The following CRYBG3 variants were observed in gnomAD, a reference collection of about 807,000 sequenced individuals.
CRYBG3 encodes very large A-kinase anchor protein.
CRYBG3 carries 127 observed loss-of-function variants against 244.2 expected under a neutral mutation model. The ratio of observed to expected loss-of-function variants is 0.52; its 90% confidence interval spans 0.45 to 0.60. CRYBG3 has a LOEUF of 0.60. CRYBG3 is among the 20% of genes least tolerant of loss of function. CRYBG3 has a pLI of 0.00. For synonymous variants in CRYBG3, 1,132 were observed against 1,195.8 expected, an observed-to-expected ratio of 0.95 and a Z score of 1.10; for missense variants, 3,325 against 3,442.5, an observed-to-expected ratio of 0.97 and a Z score of 0.85.
chr3:97,868,011 C>T (rs1283125577), intron 3 of CRYBG3, among the ~76,000 whole-genome samples: 20 of 152,124 alleles, frequency 1.3e-4, no homozygotes, highest in African/African-American at 4.1e-4. Flanking sequence ...TTGGGCACGG[C>T]GGTGGCTCAC....
At chr3:97,834,545 T>A (rs2038703569) in intron 1 of CRYBG3, among the ~76,000 whole-genome samples, 1 of 152,166 alleles carries the variant, frequency 6.6e-6, no homozygotes, top group Non-Finnish European at 1.5e-5. Flanking sequence ...TTTGATGTTT[T>A]AATAACTGGG....
chr3:97,901,733 C>G (rs2039709046), intron 15 of CRYBG3, among the ~76,000 whole-genome samples: 1 of 152,170 alleles, frequency 6.6e-6, no homozygotes, highest in African/African-American at 2.4e-5. Flanking sequence ...TTTTAAATCT[C>G]TGTTTCTCCT....
intron 17 of CRYBG3, among the ~76,000 whole-genome samples, chr3:97,922,466 T>C (rs929920240): frequency 6.6e-6 from 1 of 152,050 alleles, no homozygotes; most frequent in African/African-American, 2.4e-5. Context: ...ATCCAGAATC[T>C]ACAAAGAACT....
At position 97,943,279 on chromosome 3, in the gene CRYBG3, GAAGA is replaced by G; in HGVS notation, c.8881_8884del (p.Glu2961HisfsTer57). ...AATTGTAAATCAGCCCCTGGAGGGA[GAAGA>G]AACACAGAAATGGGACATTGAAATA... On this transcript the variant is annotated frameshift_variant, in exon 22 of 22. Transcript: ENST00000389622. LOFTEE classifies it high-confidence loss of function. 1 of 1,592,690 alleles carries G rather than the reference GAAGA, an allele frequency of 6.3e-7. No individual in the cohort carries two copies. The highest frequency in any genetic ancestry group is 8.6e-7 in the Non-Finnish European group (1 of 1,162,100).
In CRYBG3 at chr3:97,900,494, A is replaced by T. The variant is rs1377864561; in HGVS notation, c.8004+9A>T. On this transcript the variant is annotated intron_variant, in intron 15 of 21. Transcript: ENST00000389622. ...ATGAACCTCCGCATTTGGTATGTTT[A>T]AAAATATTCTTGTAATTGTTAAATT... is the stretch of plus-strand genomic sequence containing the variant. The T allele has an allele frequency of 6.6e-7, 1 of 1,514,886 alleles. No homozygotes were observed. The highest frequency in any genetic ancestry group is 9.1e-7 in the Non-Finnish European group (1 of 1,093,698). The allele number at this position is 1,514,886 out of a possible 1,614,324, so 93.8% of individuals were successfully genotyped here. A position where few individuals can be genotyped will look rare whatever the true frequency, so the allele number is the denominator to read the frequency against.
Position 97,873,709 on chromosome 3 carries a change from TC to T in CRYBG3, c.2517del (p.Lys840ArgfsTer22). The T allele has an allele frequency of 1.3e-6, 2 of 1,535,968 alleles. No homozygotes were observed. Among genetic ancestry groups the T allele is most frequent in the Non-Finnish European group, 1.7e-6 (2 of 1,146,824 alleles). On this transcript the variant is annotated frameshift_variant, in exon 4 of 22. Transcript: ENST00000389622. LOFTEE classifies it high-confidence loss of function. ...TGGAAGAGGAAAAACTATATCCTTG[TC>T]CAAGGTATCTCTTTCAAAAGTGGAG... ...HSGRGKTISL[S>X]KVSLSKVEPR...
intron 18 of CRYBG3, 49 bp from the exon 19 acceptor site, chr3:97,936,735 AT>A (rs540868658): frequency 2.7e-4 from 422 of 1,558,442 alleles, no homozygotes; most frequent in South Asian, 6.1e-4. Flanking sequence ...TTGATGAGGG[AT>A]TTTTTTTTGT....
intron 19 of CRYBG3, 41 bp downstream of exon 19, chr3:97,936,949 T>C: frequency 6.3e-7 from 1 of 1,597,236 alleles, no homozygotes; most frequent in Non-Finnish European, 8.5e-7. Context: ...TAGCTTGCTT[T>C]TGTGGTAGAA....
chr3:97,849,175 A>G (rs953396740), intron 2 of CRYBG3, among the ~76,000 whole-genome samples: 8 of 152,202 alleles, frequency 5.3e-5, no homozygotes, highest in Non-Finnish European at 1.0e-4. Context: ...AACTAAGATA[A>G]CATGTTAAGT....
At chr3:97,842,417 T>G (rs2038833124) in intron 1 of CRYBG3, among the ~76,000 whole-genome samples, 1 of 151,954 alleles carries the variant, frequency 6.6e-6, no homozygotes, top group African/African-American at 2.4e-5. Context: ...ATGAAATAAC[T>G]GGGCATGGTA....
At chr3:97,824,093 T>C (rs1440368367) in intron 1 of CRYBG3, among the ~76,000 whole-genome samples, 2 of 152,202 alleles carry the variant, frequency 1.3e-5, no homozygotes, top group Non-Finnish European at 2.9e-5. Context: ...CAGATGACCC[T>C]TTATGTGGGT....
At position 97,877,963 on chromosome 3, in the gene CRYBG3, G is replaced by A. The variant is rs975724785; in HGVS notation, c.6769G>A (p.Gly2257Arg). ...CTCAGAAAAAGGAGCCAGATTTGGT[G>A]GAATTTTTCAGGAACCAGTGTCAAA... ...HSSEKGARFG[G>R]IFQEPVSKYF... Residue 2257 changes from glycine (G) to arginine (R), a missense_variant, in exon 4 of 22, where the codon GGA becomes AGA. This residue lies in a region of CRYBG3 where 450 missense variants were observed against 424.1 expected (regional missense o/e 1.06). Coordinates refer to ENST00000389622, the MANE Select transcript of CRYBG3 (RefSeq NM_153605.4). 1.9e-6 allele frequency: 3 copies of A among 1,613,946 alleles called. No individual in the cohort carries two copies. The highest frequency in any genetic ancestry group is 1.7e-5 in the Admixed American group (1 of 59,974).
intron 1 of CRYBG3, among the ~76,000 whole-genome samples, chr3:97,833,514 A>G (rs2038683908): frequency 1.3e-5 from 2 of 152,150 alleles, no homozygotes; most frequent in African/African-American, 4.8e-5. Context: ...TTGAACAATG[A>G]GAACACATGG....
chr3:97,895,732 T>TG (rs2108236309), intron 11 of CRYBG3, among the ~76,000 whole-genome samples: 1 of 152,358 alleles, frequency 6.6e-6, no homozygotes, highest in East Asian at 1.9e-4. Context: ...ATTGCTTTGT[T>TG]GCAGTTCTAT....
chr3:97,876,788 C>T lies in CRYBG3; in HGVS notation c.5594C>T (p.Ala1865Val), dbSNP rs2039378303. 1.6e-6 allele frequency: 2 copies of T among 1,281,106 alleles called. No homozygotes were observed. Among genetic ancestry groups the T allele is most frequent in the Non-Finnish European group, 2.0e-6 (2 of 1,017,258 alleles). The allele number at this position is 1,281,106 out of a possible 1,614,324, so 79.4% of individuals were successfully genotyped here. Residue 1865 changes from alanine to valine, a missense_variant, in exon 4 of 22, where the codon GCA (alanine) becomes GTA (valine). Around this residue, in one of 4 missense-constraint regions of CRYBG3, gnomAD observed 635 missense variants for 771.7 expected, o/e 0.82. Transcript: ENST00000389622. ...ATTGGGAAACACAAAGTGTTACCCG[C>T]AGTGGTAGACATTGAGAAAATACAT... ...ENIGKHKVLP[A>V]VVDIEKIHGT... is the part of the protein sequence containing the mutation.
chr3:97,885,022 C>T (rs919889675), intron 7 of CRYBG3, among the ~76,000 whole-genome samples: 1 of 151,972 alleles, frequency 6.6e-6, no homozygotes, highest in African/African-American at 2.4e-5. Flanking sequence ...CCTGGGGGGA[C>T]ATTAATTTGG....
At chr3:97,885,631 A>G (rs1199239415) in intron 7 of CRYBG3, among the ~76,000 whole-genome samples, 9 of 152,166 alleles carry the variant, frequency 5.9e-5, no homozygotes, top group Non-Finnish European at 7.4e-5. Flanking sequence ...AAGTAAGAAT[A>G]CAAAGAATTA....
chr3:97,888,373 G>A lies in CRYBG3; in HGVS notation c.7322G>A (p.Gly2441Glu). Residue 2441 changes from glycine (G) to glutamate (E), a missense_variant, in exon 9 of 22, where the codon GGA becomes GAA. Coordinates refer to ENST00000389622, the MANE Select transcript of CRYBG3 (RefSeq NM_153605.4). ...GCCTACCCAGATATTAATTTTAAGG[G>A]ACAAGCTACAGTTCTGGAGGAAGAC... ...WLAYPDINFK[G>E]QATVLEEDHG... The A allele has an allele frequency of 1.2e-6, 2 of 1,612,090 alleles. No individual in the cohort carries two copies. Among genetic ancestry groups the A allele is most frequent in the Non-Finnish European group, 8.5e-7 (1 of 1,178,804 alleles).
chr3:97,893,725 T>G (rs2039607631), intron 11 of CRYBG3, among the ~76,000 whole-genome samples: 1 of 152,240 alleles, frequency 6.6e-6, no homozygotes, highest in East Asian at 1.9e-4. Flanking sequence ...TTTGGAACGT[T>G]AGTTTGTTTT....
Sources: gnomAD v4.1 joint callset for allele counts (sites outside exome capture counted in the v4.1 genomes callset) on GRCh38, gnomAD v4.1.1 for gene constraint, gnomAD v4.1.1 regional missense constraint, MANE v1.5 for transcripts, NCBI Gene and HGNC (gene_info 2026-07-23, HGNC 2026-07-21) for gene names.